The following FAT3 variants were observed in gnomAD, a reference collection of about 807,000 sequenced individuals.
The protein encoded by FAT3 is FAT atypical cadherin 3.
In FAT3, 95 loss-of-function variants were observed where a neutral mutation model predicts 310.2. The observed-to-expected ratio is 0.31, with a 90% confidence interval of 0.26 to 0.36. FAT3 has a LOEUF of 0.36. FAT3 is among the 10% of genes least tolerant of loss of function. The pLI, the probability that FAT3 is intolerant of heterozygous loss-of-function variation, is 1.00. For missense variants in FAT3, 5,408 were observed against 5,715.6 expected (o/e 0.95, Z 1.74); for synonymous variants, 2,314 against 2,192.9 (o/e 1.06, Z -1.54).
rs759676852 is a variant in FAT3, at chr11:92,355,139, T to A, written c.3027T>A (p.Thr1009=). ...AGAAACAGCAGTTCTATAACCTTAC[T>A]GTGCGGGCCAAAGACAAAGGGCGGC... ...DYEKQQFYNL[T]VRAKDKGRPV... Residue 1009 remains threonine, a synonymous_variant, in exon 2 of 28, where the codon ACT becomes ACA. Transcript: ENST00000525166. 1.9e-6 allele frequency: 3 copies of A among 1,613,822 alleles called. No homozygotes were observed. The South Asian group carries it at 3.3e-5, about 18-fold the overall frequency.
intron 9 of FAT3, among the ~76,000 whole-genome samples, chr11:92,796,061 A>T (rs1947165053): frequency 6.6e-6 from 1 of 152,076 alleles, no homozygotes; most frequent in South Asian, 2.1e-4. Context: ...ATCAGTGAAC[A>T]CCGAGATCCC....
At chr11:92,470,168 C>T (rs1951870415) in intron 2 of FAT3, among the ~76,000 whole-genome samples, 1 of 152,162 alleles carries the variant, frequency 6.6e-6, no homozygotes. Flanking sequence ...ACCCAGACCT[C>T]TCTTACTCTG....
chr11:92,435,768 T>C (rs929537881), intron 2 of FAT3, among the ~76,000 whole-genome samples: 1 of 151,996 alleles, frequency 6.6e-6, no homozygotes, highest in Non-Finnish European at 1.5e-5. Context: ...TGTTTCACTG[T>C]GTTGGCCAAG....
chr11:92,412,702 G>GAGATAT (rs1555038472), intron 2 of FAT3, among the ~76,000 whole-genome samples: 1 of 13,448 alleles, frequency 7.4e-5, no homozygotes, highest in African/African-American at 1.4e-4. Context: ...TGATGGTGGT[G>GAGATAT]ATATATATAT....
intron 3 of FAT3, among the ~76,000 whole-genome samples, chr11:92,544,760 G>A (rs1954564304): frequency 6.6e-6 from 1 of 152,190 alleles, no homozygotes; most frequent in African/African-American, 2.4e-5. Context: ...TGGGAACAGG[G>A]AAGGTATCGC....
chr11:92,298,209 A>G (rs778283433), intron 1 of FAT3, among the ~76,000 whole-genome samples: 5 of 152,160 alleles, frequency 3.3e-5, no homozygotes, highest in Non-Finnish European at 7.4e-5. Flanking sequence ...GGATCTAATA[A>G]GGTAGCAAAT....
At position 92,880,835 on chromosome 11, in the gene FAT3, A is replaced by G. The variant is rs527934670; in HGVS notation, c.12232A>G (p.Ile4078Val). The G allele has an allele frequency of 2.0e-5, 33 of 1,614,000 alleles. No homozygotes were observed. The Admixed American group carries it at 2.5e-4, about 12-fold the overall frequency. The stretch of plus-strand genomic sequence containing the variant: ...CCGGAATGGAGGATCCTGCGATCCA[A>G]TAGGAAACACTTTCATCTGCAATTG... ...PCRNGGSCDP[I>V]GNTFICNCKA... The change falls in exon 23 of 28, where the codon ATA becomes GTA. Residue 4078 changes from isoleucine to valine, a missense_variant. Transcript: ENST00000525166.
At chr11:92,329,262 G>C (rs1947844681) in intron 1 of FAT3, among the ~76,000 whole-genome samples, 2 of 151,906 alleles carry the variant, frequency 1.3e-5, no homozygotes, top group South Asian at 4.2e-4. Flanking sequence ...ATGGGGGTGG[G>C]TCCTTCTTGA....
intron 1 of FAT3, among the ~76,000 whole-genome samples, chr11:92,335,136 G>A (rs1448862036): frequency 6.6e-6 from 1 of 151,468 alleles, no homozygotes; most frequent in African/African-American, 2.4e-5. Context: ...GTTACCTGTA[G>A]TCCATTTGTC....
chr11:92,323,241 G>A (rs1178474220), intron 1 of FAT3, among the ~76,000 whole-genome samples: 3 of 151,764 alleles, frequency 2.0e-5, no homozygotes, highest in Non-Finnish European at 4.4e-5. Context: ...GTGTGTGTGT[G>A]TGTATGTGTG....
At chr11:92,400,107 A>G (rs549599897) in intron 2 of FAT3, 2 of 152,300 alleles carry the variant, frequency 1.3e-5, no homozygotes, top group African/African-American at 4.8e-5. Context: ...AGCTTTCTCT[A>G]TTAACGTGGG....
Position 92,762,154 on chromosome 11 carries a change from G to A in FAT3, c.3968G>A (p.Ser1323Asn). 6 of 1,611,574 alleles carry A rather than the reference G, an allele frequency of 3.7e-6. No individual in the cohort carries two copies. The South Asian group carries it at 6.6e-5, about 18-fold the overall frequency. The change falls in exon 5 of 28, where the codon AGT becomes AAT. Residue 1323 changes from serine (S) to asparagine (N), a missense_variant. Transcript: ENST00000525166. The stretch of plus-strand genomic sequence containing the variant: ...TCTAGAAAGCAGTTTACAGCAGGCA[G>A]TTATGACATCCTAACGGTAAGATCT... ...VSSRKQFTAG[S>N]YDILTIKAVD...
At chr11:92,680,426 G>A (rs56329255) in intron 3 of FAT3, among the ~76,000 whole-genome samples, 32,923 of 152,066 alleles carry the variant, frequency 0.22, 4,666 homozygotes, top group Non-Finnish European at 0.3. Context: ...ATAAATGTGT[G>A]ACTTTATTTC....
Position 92,586,144 on chromosome 11 carries a change from G to A in FAT3, c.3607+61196G>A, listed in dbSNP as rs187949603. 2.0e-3 allele frequency among the ~76,000 whole-genome samples: 301 copies of A among 152,046 alleles called. 1 individual carries two copies. The highest frequency in any genetic ancestry group is 7.0e-3 in the African/African-American group (291 of 41,498). On this transcript the variant is annotated intron_variant, in intron 3 of 27. Transcript: ENST00000525166. ...GCTTGATTGACTCTTGTGATACTGG[G>A]TTAGAATTAGAGGTACTGGTATATT...
intron 1 of FAT3, among the ~76,000 whole-genome samples, chr11:92,232,406 T>A (rs1565341353): frequency 6.6e-6 from 1 of 152,172 alleles, no homozygotes; most frequent in Non-Finnish European, 1.5e-5. Flanking sequence ...TGGAAAAATA[T>A]GCCTGGAATT....
At chr11:92,784,977 A>G (rs1591728134) in intron 7 of FAT3, among the ~76,000 whole-genome samples, 1 of 151,918 alleles carries the variant, frequency 6.6e-6, no homozygotes, top group African/African-American at 2.4e-5. Context: ...GCATTCAAAG[A>G]ATCTAGTATG....
rs2136407741 is a variant in FAT3, at chr11:92,882,756, T to C, written c.12300T>C (p.Asn4100=). The C allele has an allele frequency of 6.2e-7, 1 of 1,605,226 alleles. No homozygotes were observed. Among genetic ancestry groups the C allele is most frequent in the Non-Finnish European group, 8.5e-7 (1 of 1,174,720 alleles). Reference sequence around the variant, plus strand: ...GCCGCAGGTGTGAGGAGGACATCAATGAGTGCGAACGAGAGGAGTGTGAGA... The same window carrying C: ...GCCGCAGGTGTGAGGAGGACATCAACGAGTGCGAACGAGAGGAGTGTGAGA... ...LTGVTCEEDI[N]ECEREECENG... is the part of the protein sequence containing the mutation. Residue 4100 remains asparagine (N), a synonymous_variant, in exon 24 of 28, where the codon AAT becomes AAC. Coordinates refer to ENST00000525166, the MANE Select transcript of FAT3 (RefSeq NM_001367949.2).
At chr11:92,572,913 A>G (rs1017367663) in intron 3 of FAT3, among the ~76,000 whole-genome samples, 2 of 152,228 alleles carry the variant, frequency 1.3e-5, no homozygotes, top group Non-Finnish European at 2.9e-5. Context: ...AATTCAAGTG[A>G]AAAAGAAAAG....
At chr11:92,821,479 C>T (rs951142589) in intron 13 of FAT3, among the ~76,000 whole-genome samples, 5 of 152,068 alleles carry the variant, frequency 3.3e-5, no homozygotes, top group Non-Finnish European at 7.4e-5. Context: ...TGTTATTCTC[C>T]GAAGTGTTGA....
Sources: gnomAD v4.1 joint callset for allele counts (sites outside exome capture counted in the v4.1 genomes callset) on GRCh38, gnomAD v4.1.1 for gene constraint, MANE v1.5 for transcripts, NCBI Gene and HGNC (gene_info 2026-07-23, HGNC 2026-07-21) for gene names.